Variants in NDST4 observed in about 807,000 individuals in gnomAD.
NDST4 encodes N-deacetylase and N-sulfotransferase 4.
Under a neutral mutation model 100.8 loss-of-function variants are expected in NDST4, and 63 were observed. The ratio of observed to expected loss-of-function variants is 0.62; its 90% CI spans 0.51 to 0.77. NDST4 has a LOEUF of 0.77. Among genes scored for constraint, NDST4 ranks in the 30% least tolerant of loss-of-function variants. The pLI is 0.00. For synonymous variants in NDST4, 377 were observed against 361.8 expected, an observed-to-expected ratio of 1.04 and a Z score of -0.48; for missense variants, 943 against 1,018.4, an observed-to-expected ratio of 0.93 and a Z score of 1.01.
chr4:115,015,451 C>A (rs1727655123), intron 2 of NDST4, among the ~76,000 whole-genome samples: 1 of 151,914 alleles, frequency 6.6e-6, no homozygotes, highest in Non-Finnish European at 1.5e-5. Flanking sequence ...GGAGAAATGG[C>A]CAATTATGCA....
chr4:114,983,450 A>G (rs944587957), intron 2 of NDST4, among the ~76,000 whole-genome samples: 2 of 152,126 alleles, frequency 1.3e-5, no homozygotes, highest in Admixed American at 6.5e-5. Context: ...TTTTAGATTT[A>G]ATGACTGCCC....
chr4:115,056,427 G>C (rs989249988), intron 2 of NDST4, among the ~76,000 whole-genome samples: 8 of 152,150 alleles, frequency 5.3e-5, no homozygotes, highest in African/African-American at 1.9e-4. Context: ...TAAGAGTGAT[G>C]ATGATGTTGA....
chr4:115,005,925 C>T (rs879629204), intron 2 of NDST4, among the ~76,000 whole-genome samples: 2 of 149,984 alleles, frequency 1.3e-5, no homozygotes, highest in Non-Finnish European at 3.0e-5. Flanking sequence ...CTCAGCTACT[C>T]GGGAGGCTGA....
chr4:115,025,459 C>T (rs773357276), intron 2 of NDST4, among the ~76,000 whole-genome samples: 4 of 151,990 alleles, frequency 2.6e-5, no homozygotes, highest in Non-Finnish European at 5.9e-5. Context: ...CATGAAGAAC[C>T]AAAATGTACA....
At chr4:114,860,373 C>A (rs1723892956) in intron 7 of NDST4, among the ~76,000 whole-genome samples, 1 of 152,078 alleles carries the variant, frequency 6.6e-6, no homozygotes, top group Admixed American at 6.6e-5. Flanking sequence ...TGGAGCATCC[C>A]CTATTTAGCT....
rs141126843 is a variant in NDST4, at chr4:114,904,046, A to G, written c.1536+31160T>C. On this transcript the variant is annotated intron_variant, in intron 6 of 13. Coordinates refer to ENST00000264363, the MANE Select transcript of NDST4 (RefSeq NM_022569.3). ...GCCCTGATGTCACATGCCTTTCACAATAATATTGACTTACATGTAAAAAAG... is the reference window on the plus strand; with the variant it reads ...GCCCTGATGTCACATGCCTTTCACAGTAATATTGACTTACATGTAAAAAAG... Among the ~76,000 whole-genome samples the G allele has an allele frequency of 5.6e-4, 85 of 152,134 alleles. 1 individual carries two copies. Among genetic ancestry groups the G allele is most frequent in the Admixed American group, 5.4e-3 (82 of 15,242 alleles).
intron 2 of NDST4, among the ~76,000 whole-genome samples, chr4:115,067,633 A>C (rs901773668): frequency 2.0e-5 from 3 of 151,912 alleles, no homozygotes; most frequent in Non-Finnish European, 4.4e-5. Flanking sequence ...GTTTAATGAT[A>C]TGATAATTCT....
intron 4 of NDST4, among the ~76,000 whole-genome samples, chr4:114,939,503 A>C (rs1270755437): frequency 6.6e-6 from 1 of 152,198 alleles, no homozygotes; most frequent in Non-Finnish European, 1.5e-5. Context: ...CTATAACTGT[A>C]TAAATTTGAC....
At chr4:114,992,789 T>C (rs1201579329) in intron 2 of NDST4, among the ~76,000 whole-genome samples, 1 of 151,864 alleles carries the variant, frequency 6.6e-6, no homozygotes, top group Non-Finnish European at 1.5e-5. Flanking sequence ...GAAAGGGGTG[T>C]TGCTTAACCA....
rs528818076 is a variant in NDST4, at chr4:115,002,976, G to A, written c.979-25702C>T. Among the ~76,000 whole-genome samples the A allele has an allele frequency of 1.5e-3, 227 of 152,166 alleles. 1 individual carries two copies. The highest frequency in any genetic ancestry group is 2.6e-3 in the Non-Finnish European group (177 of 68,020). ...CATCATTCTCAGCAAACTAACACAG[G>A]AACAGAAAACCAAACACCATGTGTT... is the stretch of plus-strand genomic sequence containing the variant. On this transcript the variant is annotated intron_variant, in intron 2 of 13. Coordinates refer to ENST00000264363, the MANE Select transcript of NDST4 (RefSeq NM_022569.3).
At chr4:115,045,881 G>T (rs1728455112) in intron 2 of NDST4, among the ~76,000 whole-genome samples, 1 of 152,128 alleles carries the variant, frequency 6.6e-6, no homozygotes, top group Non-Finnish European at 1.5e-5. Flanking sequence ...TACACATTGG[G>T]GTGACTACTA....
chr4:114,930,470 T>C (rs1725488976), intron 6 of NDST4, among the ~76,000 whole-genome samples: 1 of 152,204 alleles, frequency 6.6e-6, no homozygotes, highest in African/African-American at 2.4e-5. Flanking sequence ...CTTTCTTATC[T>C]TCCAGTCAAA....
At chr4:115,013,369 A>ATATATATATATG (rs1727601254) in intron 2 of NDST4, among the ~76,000 whole-genome samples, 1 of 123,382 alleles carries the variant, frequency 8.1e-6, no homozygotes, top group Non-Finnish European at 1.7e-5. Context: ...ATATATATAT[A>ATATATATATATG]TACACACACA....
rs1278630738 is a variant in NDST4, at chr4:115,010,016, C to G, written c.979-32742G>C. Among the ~76,000 whole-genome samples the G allele has an allele frequency of 4.0e-5, 4 of 99,226 alleles. No individual in the cohort carries two copies. In the Admixed American group the frequency reaches 4.3e-4, roughly 11 times the overall value. 65.1% of individuals were successfully genotyped at this position (99,226 alleles called of 152,430 possible). A position where few individuals can be genotyped will look rare whatever the true frequency, so the allele number is the denominator to read the frequency against. On this transcript the variant is annotated intron_variant, in intron 2 of 13. Coordinates refer to ENST00000264363, the MANE Select transcript of NDST4 (RefSeq NM_022569.3). Reference sequence around the variant, plus strand: ...ATCTCACACCAGTTAGAATGGCAATCATTAAAAAGTCAGGAAACAACAGGT... The same window carrying G: ...ATCTCACACCAGTTAGAATGGCAATGATTAAAAAGTCAGGAAACAACAGGT...
intron 2 of NDST4, among the ~76,000 whole-genome samples, chr4:115,028,579 AT>A (rs749425496): frequency 6.6e-6 from 1 of 151,326 alleles, no homozygotes; most frequent in Non-Finnish European, 1.5e-5. Flanking sequence ...AAAAAAAAAA[AT>A]GTATATTAAT....
At chr4:114,880,127 T>C (rs1164455430) in intron 6 of NDST4, among the ~76,000 whole-genome samples, 2 of 152,178 alleles carry the variant, frequency 1.3e-5, no homozygotes, top group East Asian at 1.9e-4. Context: ...TCCTGCTATA[T>C]TTCAGTGAGC....
chr4:114,970,311 C>T (rs1726482048), intron 4 of NDST4, 119 bp downstream of exon 4: 3 of 861,524 alleles, frequency 3.5e-6, no homozygotes, highest in African/African-American at 1.7e-5. Flanking sequence ...ACATGTGATG[C>T]ACCCTGATAT....
intron 1 of NDST4, among the ~76,000 whole-genome samples, chr4:115,109,128 A>G (rs1431753178): frequency 6.6e-6 from 1 of 151,756 alleles, no homozygotes; most frequent in Non-Finnish European, 1.5e-5. Context: ...AAGAATAGAA[A>G]AAGAGAGGAA....
At chr4:115,032,632 T>C (rs1175596434) in intron 2 of NDST4, among the ~76,000 whole-genome samples, 2 of 152,260 alleles carry the variant, frequency 1.3e-5, no homozygotes, top group South Asian at 4.1e-4. Context: ...AATAGAGTAA[T>C]GCATAGTTTC....
Sources: gnomAD v4.1 joint callset for allele counts (sites outside exome capture counted in the v4.1 genomes callset) on GRCh38, gnomAD v4.1.1 for gene constraint, MANE v1.5 for transcripts, NCBI Gene and HGNC (gene_info 2026-07-23, HGNC 2026-07-21) for gene names.